The following ASTN2 variants were observed in gnomAD, a reference collection of about 807,000 sequenced individuals.
ASTN2 encodes the protein astrotactin 2.
ASTN2 carries 54 observed loss-of-function variants against 139.8 expected under a neutral mutation model. The ratio of observed to expected loss-of-function variants is 0.39; its 90% CI spans 0.31 to 0.48. The LOEUF (loss-of-function observed/expected upper bound fraction) is 0.48, where lower values mean the gene tolerates loss of function less well. Ranked by LOEUF, ASTN2 falls within the 20% of genes least tolerant of loss-of-function variation. ASTN2 has a pLI of 0.95. For synonymous variants in ASTN2, 756 were observed against 719.5 expected (o/e 1.05, Z -0.81); for missense variants, 1,565 against 1,725.1 (o/e 0.91, Z 1.64).
At chr9:116,565,351 T>TTCTCTCTCTCTC (rs772428232) in intron 19 of ASTN2, among the ~76,000 whole-genome samples, 5 of 36,004 alleles carry the variant, frequency 1.4e-4, no homozygotes, top group African/African-American at 6.0e-4. Context: ...AAGACACTGT[T>TTCTCTCTCTCTC]TCTCTCTCTC....
At chr9:117,376,325 A>G (rs1830123815) in intron 1 of ASTN2, among the ~76,000 whole-genome samples, 2 of 152,140 alleles carry the variant, frequency 1.3e-5, no homozygotes, top group South Asian at 4.1e-4. Flanking sequence ...TACAATATCA[A>G]ACTCCATTTT....
At position 117,308,077 on chromosome 9, in the gene ASTN2, T is replaced by A. The variant is rs541002227; in HGVS notation, c.443-16564A>T. On this transcript the variant is annotated intron_variant, in intron 1 of 22. Coordinates refer to ENST00000313400, the MANE Select transcript of ASTN2 (RefSeq NM_001365068.1). The stretch of plus-strand genomic sequence containing the variant: ...TGGTGTCCTTGAAAGAGAGAGATAC[T>A]GACACATGGCAGAAAAAGGTCCTCT... Among the ~76,000 whole-genome samples, 516 of 152,274 alleles carry A rather than the reference T, an allele frequency of 3.4e-3. 4 individuals are homozygous for A. Among genetic ancestry groups the A allele is most frequent in the Non-Finnish European group, 5.4e-3 (367 of 68,014 alleles).
At chr9:117,332,196 C>T (rs1043945820) in intron 1 of ASTN2, among the ~76,000 whole-genome samples, 2 of 152,304 alleles carry the variant, frequency 1.3e-5, no homozygotes, top group East Asian at 3.9e-4. Context: ...TAATAATCAG[C>T]TATCAGATAT....
intron 17 of ASTN2, among the ~76,000 whole-genome samples, chr9:116,647,143 G>C (rs1056440816): frequency 2.0e-5 from 3 of 152,060 alleles, no homozygotes; most frequent in African/African-American, 7.2e-5. Flanking sequence ...ACTGCGTAAG[G>C]CCCCTTAATA....
At chr9:117,010,979 A>G (rs1482353535) in intron 6 of ASTN2, among the ~76,000 whole-genome samples, 1 of 152,200 alleles carries the variant, frequency 6.6e-6, no homozygotes, top group Non-Finnish European at 1.5e-5. Context: ...AAAAGGACTC[A>G]GCTGAGAGTG....
intron 2 of ASTN2, among the ~76,000 whole-genome samples, chr9:117,226,930 G>T (rs1832732531): frequency 6.6e-6 from 1 of 152,184 alleles, no homozygotes; most frequent in Non-Finnish European, 1.5e-5. Context: ...TTAAAATACT[G>T]TGCCAACAAC....
At chr9:116,571,226 A>C (rs1420596508) in intron 19 of ASTN2, among the ~76,000 whole-genome samples, 1 of 152,182 alleles carries the variant, frequency 6.6e-6, no homozygotes, top group African/African-American at 2.4e-5. Flanking sequence ...TACTGTAGCC[A>C]TCAAGTCTAT....
chr9:117,092,832 C>A (rs1828738923), intron 5 of ASTN2, among the ~76,000 whole-genome samples: 1 of 152,126 alleles, frequency 6.6e-6, no homozygotes, highest in Non-Finnish European at 1.5e-5. Flanking sequence ...ATGGTGATGG[C>A]AGAGGAATAG....
At chr9:116,470,945 T>C (rs2119008027) in intron 20 of ASTN2, among the ~76,000 whole-genome samples, 1 of 152,266 alleles carries the variant, frequency 6.6e-6, no homozygotes, top group Middle Eastern at 3.4e-3. Flanking sequence ...AAGTTATAAC[T>C]CTAAGACGAT....
chr9:116,752,491 C>T (rs1202943402), intron 13 of ASTN2, among the ~76,000 whole-genome samples: 3 of 152,054 alleles, frequency 2.0e-5, no homozygotes, highest in Non-Finnish European at 4.4e-5. Context: ...TTTTTAGATA[C>T]AACACCAAAT....
At chr9:117,280,632 G>C (rs1019723337) in intron 2 of ASTN2, among the ~76,000 whole-genome samples, 1 of 152,148 alleles carries the variant, frequency 6.6e-6, no homozygotes, top group Non-Finnish European at 1.5e-5. Context: ...GCCCCAGGGA[G>C]AGTGTGGCCC....
chr9:116,496,358 C>T (rs563597619), intron 19 of ASTN2, among the ~76,000 whole-genome samples: 19 of 152,248 alleles, frequency 1.2e-4, no homozygotes, highest in African/African-American at 3.6e-4. Flanking sequence ...AGAACACTTT[C>T]GTTTGAATTC....
chr9:117,294,070 T>C (rs909039260), intron 1 of ASTN2, among the ~76,000 whole-genome samples: 1 of 152,216 alleles, frequency 6.6e-6, no homozygotes, highest in Non-Finnish European at 1.5e-5. Context: ...AATCCCACTA[T>C]TAAAGAGGCT....
chr9:117,167,384 T>C (rs2132915880), intron 3 of ASTN2, among the ~76,000 whole-genome samples: 1 of 152,228 alleles, frequency 6.6e-6, no homozygotes, highest in Middle Eastern at 3.4e-3. Context: ...TACTTTTTAG[T>C]GGTCAGGAGA....
At chr9:117,058,103 G>T (rs1029406409) in intron 5 of ASTN2, among the ~76,000 whole-genome samples, 4 of 152,168 alleles carry the variant, frequency 2.6e-5, no homozygotes, top group African/African-American at 9.7e-5. Flanking sequence ...GTTACTCCAC[G>T]TTCCTCAGGG....
At chr9:116,618,608 G>GCCTACGGT in intron 18 of ASTN2, 136 bp from the exon 19 acceptor site, 2 of 1,050,092 alleles carry the variant, frequency 1.9e-6, no homozygotes, top group Non-Finnish European at 2.7e-6. Flanking sequence ...TCGCCAACTT[G>GCCTACGGT]CATGACCGTA....
intron 16 of ASTN2, among the ~76,000 whole-genome samples, chr9:116,653,079 A>C (rs895706010): frequency 6.6e-6 from 1 of 152,164 alleles, no homozygotes; most frequent in Non-Finnish European, 1.5e-5. Flanking sequence ...CTGACCTCTA[A>C]AACAATATTA....
intron 20 of ASTN2, among the ~76,000 whole-genome samples, chr9:116,465,927 G>C (rs577296526): frequency 6.6e-6 from 1 of 152,080 alleles, no homozygotes; most frequent in South Asian, 2.1e-4. Context: ...CAGTAATCCT[G>C]AATAATGACA....
At chr9:117,186,746 T>C (rs574476825) in intron 3 of ASTN2, among the ~76,000 whole-genome samples, 35 of 152,282 alleles carry the variant, frequency 2.3e-4, no homozygotes, top group African/African-American at 6.0e-4. Flanking sequence ...CCAGGCAATG[T>C]TCTAAACAAG....
Sources: gnomAD v4.1 joint callset for allele counts (sites outside exome capture counted in the v4.1 genomes callset) on GRCh38, gnomAD v4.1.1 for gene constraint, MANE v1.5 for transcripts, NCBI Gene and HGNC (gene_info 2026-07-23, HGNC 2026-07-21) for gene names.